The following NCEH1 variants were observed in gnomAD, a reference collection of about 807,000 sequenced individuals.
The protein encoded by NCEH1 is 2-acetyl MAGE hydrolase.
A neutral mutation model predicts 25.4 loss-of-function variants in NCEH1; 9 were observed. That is an observed-to-expected ratio of 0.35 (90% CI 0.21 to 0.62). The LOEUF (loss-of-function observed/expected upper bound fraction) is 0.62, where lower values mean the gene tolerates loss of function less well. NCEH1 is among the 20% of genes least tolerant of loss of function. The pLI, the probability that NCEH1 is intolerant of heterozygous loss-of-function variation, is 0.72. For missense variants in NCEH1, 412 were observed against 501.1 expected (o/e 0.82, Z 1.70); for synonymous variants, 200 against 199.8 (o/e 1.00, Z -0.01).
intron 1 of NCEH1, among the ~76,000 whole-genome samples, chr3:172,702,361 G>A (rs760090110): frequency 2.6e-5 from 4 of 152,150 alleles, no homozygotes; most frequent in Non-Finnish European, 1.5e-5. Context: ...GATTAGATAC[G>A]TTTCCCCAGT....
intron 3 of NCEH1, among the ~76,000 whole-genome samples, chr3:172,638,394 T>C (rs1209890072): frequency 1.3e-5 from 2 of 151,162 alleles, no homozygotes; most frequent in Non-Finnish European, 2.9e-5. Context: ...TCATGCAAAA[T>C]GCTTTTTTTT....
intron 1 of NCEH1, among the ~76,000 whole-genome samples, chr3:172,661,024 GT>G (rs1440065741): frequency 1.3e-5 from 2 of 152,158 alleles, no homozygotes; most frequent in African/African-American, 4.8e-5. Context: ...TGCTTTTGGT[GT>G]TTTAGTCATG....
At chr3:172,671,426 C>T (rs532346446) in intron 1 of NCEH1, among the ~76,000 whole-genome samples, 20 of 151,740 alleles carry the variant, frequency 1.3e-4, no homozygotes, top group Non-Finnish European at 2.6e-4. Context: ...CTTAGCATAC[C>T]TTTCGGGTAA....
chr3:172,635,851 T>G, intron 4 of NCEH1, 65 bp downstream of exon 4: 1 of 1,469,482 alleles, frequency 6.8e-7, no homozygotes, highest in Non-Finnish European at 9.4e-7. Flanking sequence ...ATGGAGGGTG[T>G]GTTGGTCTGC....
At chr3:172,639,267 C>A (rs775561255) in intron 3 of NCEH1, among the ~76,000 whole-genome samples, 4 of 139,334 alleles carry the variant, frequency 2.9e-5, no homozygotes, top group African/African-American at 1.1e-4. Flanking sequence ...CACTGCACTC[C>A]AGACTGGTGA....
chr3:172,696,031 A>G (rs1435209358), intron 1 of NCEH1, among the ~76,000 whole-genome samples: 2 of 152,212 alleles, frequency 1.3e-5, no homozygotes, highest in African/African-American at 4.8e-5. Context: ...CAGTTAGAAC[A>G]TCAGCAAACT....
chr3:172,657,907 G>A (rs995125697), intron 1 of NCEH1, among the ~76,000 whole-genome samples: 1 of 152,148 alleles, frequency 6.6e-6, no homozygotes, highest in Non-Finnish European at 1.5e-5. Flanking sequence ...CAAACCAAAT[G>A]ATAAATCTAC....
At chr3:172,690,348 T>G (rs1346675538) in intron 1 of NCEH1, among the ~76,000 whole-genome samples, 2 of 152,228 alleles carry the variant, frequency 1.3e-5, no homozygotes, top group Admixed American at 1.3e-4. Flanking sequence ...AGAATTTTAA[T>G]GTCAACTCTT....
At chr3:172,691,980 AGAAAGAAAG>A (rs1713087715) in intron 1 of NCEH1, among the ~76,000 whole-genome samples, 1 of 53,978 alleles carries the variant, frequency 1.9e-5, no homozygotes, top group Non-Finnish European at 3.6e-5. Flanking sequence ...AAAGAAAGAA[AGAAAGAAAG>A]AACAGGGTGT....
intron 1 of NCEH1, among the ~76,000 whole-genome samples, chr3:172,671,528 CAT>C (rs58528838): frequency 2.1e-3 from 293 of 137,136 alleles, no homozygotes; most frequent in African/African-American, 3.6e-3. Flanking sequence ...CACACACACA[CAT>C]ATATAGATAT....
At chr3:172,663,681 C>A (rs1190626183) in intron 1 of NCEH1, among the ~76,000 whole-genome samples, 1 of 152,152 alleles carries the variant, frequency 6.6e-6, no homozygotes, top group Admixed American at 6.5e-5. Flanking sequence ...ATAGTTAGCA[C>A]TTCTTGTTGA....
At chr3:172,667,240 C>A (rs1321420334) in intron 1 of NCEH1, among the ~76,000 whole-genome samples, 1 of 152,192 alleles carries the variant, frequency 6.6e-6, no homozygotes, top group African/African-American at 2.4e-5. Context: ...TTTAAGGCAC[C>A]TACTCTGTCT....
intron 1 of NCEH1, among the ~76,000 whole-genome samples, chr3:172,675,323 A>AAATAAATTAATTAATTAATT (rs1711922582): frequency 6.9e-6 from 1 of 144,686 alleles, no homozygotes; most frequent in African/African-American, 2.8e-5. Flanking sequence ...ATAAATAAAT[A>AAATAAATTAATTAATTAATT]AATAAATAAA....
rs1717192875 is a variant in NCEH1, at chr3:172,647,890, A to G, written c.363T>C (p.Ser121=). The change falls in exon 2 of 5, where the codon AGT becomes AGC. Residue 121 remains serine (S), a synonymous_variant. Transcript: ENST00000475381. ...YIHGGGWALA[S]AKIRYYDELC... Reference sequence around the variant, plus strand: ...CTGAAGGTGACCAGGACGCACTTGCACTTGCCAAGGCCCAGCCTCCTCCGT... The same window carrying G: ...CTGAAGGTGACCAGGACGCACTTGCGCTTGCCAAGGCCCAGCCTCCTCCGT... 6.2e-7 allele frequency: 1 copy of G among 1,614,016 alleles called. No homozygotes were observed. The highest frequency in any genetic ancestry group is 1.3e-5 in the African/African-American group (1 of 74,910).
intron 1 of NCEH1, among the ~76,000 whole-genome samples, chr3:172,651,539 A>G (rs1409053302): frequency 6.6e-6 from 1 of 152,088 alleles, no homozygotes; most frequent in African/African-American, 2.4e-5. Context: ...TTGGATTTTT[A>G]AAAGCCTGTA....
chr3:172,649,542 G>A (rs568982257), intron 1 of NCEH1, among the ~76,000 whole-genome samples: 26 of 152,270 alleles, frequency 1.7e-4, no homozygotes, highest in African/African-American at 6.3e-4. Context: ...ATGTGTACAT[G>A]CACATATGTG....
chr3:172,644,389 CAGG>C (rs1458076194), intron 3 of NCEH1, among the ~76,000 whole-genome samples: 1 of 152,166 alleles, frequency 6.6e-6, no homozygotes. Flanking sequence ...GCACCATGAA[CAGG>C]AGGATAGCTG....
At chr3:172,706,274 A>C (rs1264336672) in intron 1 of NCEH1, among the ~76,000 whole-genome samples, 1 of 152,170 alleles carries the variant, frequency 6.6e-6, no homozygotes, top group Non-Finnish European at 1.5e-5. Flanking sequence ...CAGAAGAAAA[A>C]AATCATGTTT....
At chr3:172,659,358 A>G (rs3902414) in intron 1 of NCEH1, among the ~76,000 whole-genome samples, 73,746 of 152,028 alleles carry the variant, frequency 0.49, 20,419 homozygotes, top group African/African-American at 0.78. Flanking sequence ...CTTGGGCCTC[A>G]GAACCTGGCC....
Sources: gnomAD v4.1 joint callset for allele counts (sites outside exome capture counted in the v4.1 genomes callset) on GRCh38, gnomAD v4.1.1 for gene constraint, MANE v1.5 for transcripts, NCBI Gene and HGNC (gene_info 2026-07-23, HGNC 2026-07-21) for gene names.